The following MRS2 variants were observed in gnomAD, a reference collection of about 807,000 sequenced individuals.
MRS2 encodes the protein magnesium transporter MRS2 homolog, mitochondrial.
MRS2 carries 40 observed loss-of-function variants against 52.6 expected under a neutral mutation model. The observed-to-expected ratio is 0.76, with a 90% confidence interval of 0.59 to 0.99. The LOEUF (loss-of-function observed/expected upper bound fraction) is 0.99. MRS2 is among the 50% of genes least tolerant of loss of function. The probability of loss-of-function intolerance (pLI) is 0.00; values close to 1 mark genes in which losing one functional copy is unlikely to be tolerated. For synonymous variants in MRS2, 193 were observed against 195.9 expected (o/e 0.98, Z 0.13); for missense variants, 472 against 532.7 (o/e 0.89, Z 1.12).
chr6:24,412,203 G>GTT lies in MRS2; in HGVS notation c.415-7_415-6dup, dbSNP rs76582568. 155,600 of 1,202,172 alleles carry GTT rather than the reference G, an allele frequency of 0.13. 3,326 individuals carry two copies. The highest frequency in any genetic ancestry group is 0.37 in the East Asian group (13,985 of 38,028). 74.5% of individuals were successfully genotyped at this position (1,202,172 alleles called of 1,614,324 possible). Reference sequence around the variant, plus strand: ...TACACTCACATATTTATATGTTTTGGTTTTTTTTTTTTTAACAGTATTTGA... The same window carrying GTT: ...TACACTCACATATTTATATGTTTTGGTTTTTTTTTTTTTTTAACAGTATTTGA... On this transcript the variant is annotated intron_variant, in intron 4 of 10. Transcript: ENST00000378386.
chr6:24,425,743 CTG>C lies in MRS2; in HGVS notation c.*2051_*2052del, dbSNP rs1205818876. On this transcript the variant is annotated 3_prime_UTR_variant, in exon 11 of 11. Transcript: ENST00000378386. Reference sequence around the variant, plus strand: ...GTGTCGAACACGTCAAGGTGTGATACTGTCTTTGGAAGGCTCCTAAACAAATG... The same window carrying C: ...GTGTCGAACACGTCAAGGTGTGATACTCTTTGGAAGGCTCCTAAACAAATG... The C allele has an allele frequency of 6.6e-6, 1 of 152,210 alleles. No homozygotes were observed. Among genetic ancestry groups the C allele is most frequent in the East Asian group, 1.9e-4 (1 of 5,200 alleles). The allele number at this position is 152,210 out of a possible 1,614,324, so 9.4% of individuals were successfully genotyped here.
Position 24,425,890 on chromosome 6 carries a change from A to G in MRS2, c.*2196A>G, listed in dbSNP as rs961413576. ...TATTCCAAGAGTTGTATACAGCTTT[A>G]TTTTTTGGAATTGCAATATTAAAGT... On this transcript the variant is annotated 3_prime_UTR_variant, in exon 11 of 11. Coordinates refer to ENST00000378386, the MANE Select transcript of MRS2 (RefSeq NM_020662.4). 6 of 152,188 alleles carry G rather than the reference A, an allele frequency of 3.9e-5. No homozygotes were observed. The highest frequency in any genetic ancestry group is 9.7e-5 in the African/African-American group (4 of 41,446). The allele number at this position is 152,188 out of a possible 1,614,324, so 9.4% of individuals were successfully genotyped here.
At chr6:24,405,339 T>C in intron 2 of MRS2, 98 bp downstream of exon 2, 2 of 865,626 alleles carry the variant, frequency 2.3e-6, no homozygotes, top group East Asian at 5.1e-5. Flanking sequence ...TATTTTGAGC[T>C]TTATAATCAT....
chr6:24,412,230 A>G lies in MRS2; in HGVS notation c.423A>G (p.Lys141=). 6.4e-7 allele frequency: 1 copy of G among 1,552,348 alleles called. No individual in the cohort carries two copies. Among genetic ancestry groups the G allele is most frequent in the Non-Finnish European group, 8.7e-7 (1 of 1,155,794 alleles). ...TTTTTTTTTTTTAACAGTATTTGAA[A>G]GCTGTGATAACTCCAGAGTGTCTTC... ...NRIIMRMEYL[K]AVITPECLLI... is the part of the protein sequence containing the mutation. Residue 141 remains lysine, a synonymous_variant, in exon 5 of 11, where the codon AAA becomes AAG. Transcript: ENST00000378386.
chr6:24,423,789 G>GA lies in MRS2; in HGVS notation c.*102dup, dbSNP rs1453487419. The GA allele has an allele frequency of 6.1e-6, 3 of 491,982 alleles. No homozygotes were observed. The highest frequency in any genetic ancestry group is 6.6e-5 in the East Asian group (2 of 30,342). The allele number at this position is 491,982 out of a possible 1,614,324, so 30.5% of individuals were successfully genotyped here. On this transcript the variant is annotated 3_prime_UTR_variant, in exon 11 of 11. Coordinates refer to ENST00000378386, the MANE Select transcript of MRS2 (RefSeq NM_020662.4). ...TTTTCTTGTATAGAGTCAGACACTT[G>GA]AAAAAAACTAATGTTTGAAGACAAA...
chr6:24,412,373 T>C lies in MRS2; in HGVS notation c.566T>C (p.Ile189Thr). Residue 189 changes from isoleucine to threonine, a missense_variant, in exon 5 of 11, where the codon ATA becomes ACA. Physicochemically the swap from Ile to Thr is moderately conservative, Grantham distance 89 (BLOSUM62 -1). Transcript: ENST00000378386. ...TYPLPFEFRAIEALLQYWINT... is the reference protein window; with the variant it reads ...TYPLPFEFRATEALLQYWINT... ...CCTTTACCTTTTGAGTTTAGAGCTA[T>C]AGAAGCACTCCTGCAATATTGGGTA... 6.3e-7 allele frequency: 1 copy of C among 1,575,742 alleles called. No individual in the cohort carries two copies. Among genetic ancestry groups the C allele is most frequent in the Non-Finnish European group, 8.6e-7 (1 of 1,164,348 alleles).
intron 2 of MRS2, among the ~76,000 whole-genome samples, chr6:24,405,997 T>C (rs1051902634): frequency 2.8e-4 from 42 of 149,502 alleles, no homozygotes; most frequent in African/African-American, 9.8e-4. Context: ...CCCAGCTACT[T>C]GGGAGGCTGA....
At chr6:24,410,720 T>G in intron 4 of MRS2, 1 of 1,523,588 alleles carries the variant, frequency 6.6e-7, no homozygotes, top group Non-Finnish European at 8.8e-7. Flanking sequence ...CATGTGATTT[T>G]CTTCAGAAAT....
intron 9 of MRS2, 39 bp downstream of exon 9, chr6:24,418,617 G>A (rs750104801): frequency 4.0e-5 from 59 of 1,487,052 alleles, no homozygotes; most frequent in Non-Finnish European, 5.5e-5. Flanking sequence ...TGGGGGTTTT[G>A]GCCGGGCATG....
Position 24,424,949 on chromosome 6 carries a change from CTG to C in MRS2, c.*1262_*1263del, listed in dbSNP as rs146301852. The C allele has an allele frequency of 0.12, 18,623 of 152,106 alleles. 1,462 individuals are homozygous for C. The highest frequency in any genetic ancestry group is 0.16 in the East Asian group (809 of 5,168). The allele number at this position is 152,106 out of a possible 1,614,324, so 9.4% of individuals were successfully genotyped here. A position where few individuals can be genotyped will look rare whatever the true frequency, so the allele number is the denominator to read the frequency against. On this transcript the variant is annotated 3_prime_UTR_variant, in exon 11 of 11. Transcript: ENST00000378386. ...AAGTACAAGTAAGGTTTCCCCACTC[CTG>C]TGTGTGGTCATGGGAAGCCATTAGA...
At chr6:24,415,359 T>G (rs1469357500) in intron 6 of MRS2, among the ~76,000 whole-genome samples, 196 bp downstream of exon 6, 4 of 152,342 alleles carry the variant, frequency 2.6e-5, no homozygotes, top group South Asian at 2.1e-4. Flanking sequence ...TTTCCGTATG[T>G]GATCTCATCT....
intron 7 of MRS2, among the ~76,000 whole-genome samples, 174 bp from the exon 8 acceptor site, chr6:24,417,910 C>G (rs1402267093): frequency 1.3e-5 from 2 of 151,160 alleles, no homozygotes; most frequent in Non-Finnish European, 2.9e-5. Context: ...CCACTACACT[C>G]CAGCCTGGGA....
At chr6:24,412,126 C>CAT (rs1167140194) in intron 4 of MRS2, 96 bp from the exon 5 acceptor site, 18 of 609,670 alleles carry the variant, frequency 3.0e-5, no homozygotes, top group Admixed American at 4.2e-5. Context: ...CTACAATTTG[C>CAT]ATATATATAT....
rs533082090 is a variant in MRS2, at chr6:24,419,533, T to C, written c.1107+955T>C. Among the ~76,000 whole-genome samples the C allele has an allele frequency of 2.6e-5, 4 of 152,296 alleles. No homozygotes were observed. The South Asian group carries it at 8.3e-4, about 32-fold the overall frequency. ...GGCTCAATCATTGCAACTCTGAAAA[T>C]AGATATATTATCCCTACTTTGTAGA... On this transcript the variant is annotated intron_variant, in intron 9 of 10. Coordinates refer to ENST00000378386, the MANE Select transcript of MRS2 (RefSeq NM_020662.4).
Position 24,412,271 on chromosome 6 carries a change from G to A in MRS2, c.464G>A (p.Arg155His), listed in dbSNP as rs769862190. The A allele has an allele frequency of 9.4e-6, 15 of 1,592,464 alleles. No individual in the cohort carries two copies. The highest frequency in any genetic ancestry group is 4.6e-5 in the East Asian group (2 of 43,626). Residue 155 changes from arginine (R) to histidine (H), a missense_variant, in exon 5 of 11, where the codon CGT becomes CAT. Coordinates refer to ENST00000378386, the MANE Select transcript of MRS2 (RefSeq NM_020662.4). ...TPECLLILDY[R>H]NLNLEQWLFR... Reference sequence around the variant, plus strand: ...GAGTGTCTTCTGATATTAGATTATCGTAATTTAAACTTAGAGCAATGGCTG... The same window carrying A: ...GAGTGTCTTCTGATATTAGATTATCATAATTTAAACTTAGAGCAATGGCTG...
At chr6:24,406,647 C>T (rs955020407) in intron 2 of MRS2, among the ~76,000 whole-genome samples, 5 of 152,048 alleles carry the variant, frequency 3.3e-5, no homozygotes, top group African/African-American at 7.2e-5. Context: ...TGGTGGTGCA[C>T]GCCTGTAGTC....
chr6:24,411,500 T>C (rs924864563), intron 4 of MRS2, among the ~76,000 whole-genome samples: 2 of 152,202 alleles, frequency 1.3e-5, no homozygotes, highest in Admixed American at 1.3e-4. Context: ...AATACCTGAC[T>C]TTTAGGAAGA....
rs1217140956 is a variant in MRS2 at position 24,405,253 on chromosome 6, C to T, written c.264+12C>T. On this transcript the variant is annotated intron_variant, in intron 2 of 10. Transcript: ENST00000378386. ...CAGTATTTACTGTGGTGAGTATGTA[C>T]AGTACATTGGAAATCGTACAGAAAG... 1.2e-6 allele frequency: 2 copies of T among 1,601,640 alleles called. No homozygotes were observed. Among genetic ancestry groups the T allele is most frequent in the East Asian group, 2.2e-5 (1 of 44,786 alleles).
At chr6:24,414,960 C>G in intron 5 of MRS2, 73 bp from the exon 6 acceptor site, 1 of 1,323,120 alleles carries the variant, frequency 7.6e-7, no homozygotes, top group Non-Finnish European at 1.0e-6. Context: ...TGTATTTAAT[C>G]AGAGGATTCA....
Sources: allele counts gnomAD v4.1 joint callset (sites outside exome capture counted in the v4.1 genomes callset), GRCh38; gene constraint gnomAD v4.1.1; transcripts MANE v1.5; gene names NCBI Gene and HGNC (gene_info 2026-07-23, HGNC 2026-07-21).